PTPRN2: variants seen among roughly 807,000 people sequenced by gnomAD.
PTPRN2 encodes the protein protein tyrosine phosphatase receptor type N2, also known as receptor-type tyrosine-protein phosphatase N2.
Under a neutral mutation model 118.8 loss-of-function variants are expected in PTPRN2, and 74 were observed. The observed-to-expected ratio is 0.62, with a 90% CI of 0.52 to 0.76. The LOEUF is 0.76. Among genes scored for constraint, PTPRN2 ranks in the 30% least tolerant of loss-of-function variants. The probability of loss-of-function intolerance (pLI) is 0.00; values close to 1 mark genes in which losing one functional copy is unlikely to be tolerated. For synonymous variants in PTPRN2, 641 were observed against 608.0 expected, an observed-to-expected ratio of 1.05 and a Z score of -0.80; for missense variants, 1,481 against 1,394.4, an observed-to-expected ratio of 1.06 and a Z score of -0.99.
At chr7:157,691,012 C>T (rs1442551788) in intron 12 of PTPRN2, among the ~76,000 whole-genome samples, 1 of 147,936 alleles carries the variant, frequency 6.8e-6, no homozygotes, top group Non-Finnish European at 1.5e-5. Context: ...GCCCGGCGCG[C>T]ACCCGGCCGG....
chr7:158,523,207 G>A (rs1018451785), intron 1 of PTPRN2, among the ~76,000 whole-genome samples: 1 of 152,186 alleles, frequency 6.6e-6, no homozygotes, highest in Non-Finnish European at 1.5e-5. Flanking sequence ...TTGGGGTCTG[G>A]GGAGCCCCAG....
intron 11 of PTPRN2, among the ~76,000 whole-genome samples, chr7:157,899,787 T>C (rs1482312309): frequency 1.3e-5 from 2 of 152,198 alleles, no homozygotes; most frequent in Non-Finnish European, 2.9e-5. Flanking sequence ...ATTTTCTACA[T>C]ATAACTAATT....
At chr7:158,150,022 T>G (rs1371007196) in intron 6 of PTPRN2, among the ~76,000 whole-genome samples, 1 of 152,168 alleles carries the variant, frequency 6.6e-6, no homozygotes, top group Non-Finnish European at 1.5e-5. Flanking sequence ...CAGATTTAGG[T>G]GGCGTAGTGT....
rs1170748221 is a variant in PTPRN2 at position 157,780,918 on chromosome 7, C to T, written c.1789-97981G>A. Among the ~76,000 whole-genome samples the T allele has an allele frequency of 6.6e-6, 1 of 152,196 alleles. No homozygotes were observed. On this transcript the variant is annotated intron_variant, in intron 12 of 22. Coordinates refer to ENST00000389418, the MANE Select transcript of PTPRN2 (RefSeq NM_002847.5). The surrounding 1 kb of genome is among the most constrained non-coding windows in gnomAD (Gnocchi z 4.5). ...TCTCCTCAGTGCACACCTGAACTCTCACCACCCCCACCGAGGCAGTGGGCA... is the reference window on the plus strand; with the variant it reads ...TCTCCTCAGTGCACACCTGAACTCTTACCACCCCCACCGAGGCAGTGGGCA...
At chr7:157,652,734 T>TG (rs902707089) in intron 14 of PTPRN2, among the ~76,000 whole-genome samples, 21 of 152,328 alleles carry the variant, frequency 1.4e-4, no homozygotes, top group African/African-American at 4.8e-4. Flanking sequence ...CACAGCCCCA[T>TG]GGATCCCCCC....
chr7:158,554,693 G>A (rs2129450417), intron 1 of PTPRN2, among the ~76,000 whole-genome samples: 1 of 152,322 alleles, frequency 6.6e-6, no homozygotes, highest in African/African-American at 2.4e-5. Flanking sequence ...TGGAGGGGGA[G>A]TGGGATGTGG....
chr7:158,084,780 C>T (rs1029326592), intron 10 of PTPRN2, among the ~76,000 whole-genome samples: 1 of 148,902 alleles, frequency 6.7e-6, no homozygotes, highest in South Asian at 2.2e-4. Context: ...CACTCATCCA[C>T]ACCCACGATG....
At chr7:158,459,307 T>C (rs62480028) in intron 2 of PTPRN2, among the ~76,000 whole-genome samples, 56,213 of 94,138 alleles carry the variant, frequency 0.6, 13,658 homozygotes, top group Middle Eastern at 0.61. Context: ...CTGGGATGAA[T>C]GGGCTCCAGA....
chr7:157,823,543 G>A (rs898124667), intron 12 of PTPRN2, among the ~76,000 whole-genome samples: 3 of 152,220 alleles, frequency 2.0e-5, no homozygotes, highest in African/African-American at 4.8e-5. Context: ...CCAGAATGGA[G>A]AGACTAGAAT....
At chr7:158,124,113 C>T (rs560166723) in intron 9 of PTPRN2, among the ~76,000 whole-genome samples, 1 of 152,346 alleles carries the variant, frequency 6.6e-6, no homozygotes, top group East Asian at 1.9e-4. Context: ...TTCCGACCCA[C>T]CAAGCCAGAA....
chr7:157,931,132 G>A (rs561786007), intron 11 of PTPRN2, among the ~76,000 whole-genome samples: 1 of 152,294 alleles, frequency 6.6e-6, no homozygotes, highest in East Asian at 1.9e-4. Flanking sequence ...GCGGTGCCTG[G>A]CATTGTGCAG....
rs78738952 is a variant in PTPRN2 at position 157,698,735 on chromosome 7, A to G, written c.1789-15798T>C. The stretch of plus-strand genomic sequence containing the variant: ...GTCTAGATTCTAGTATAGAGGATCT[A>G]TTACTTTTAATCAACGTATTTGTAA... On this transcript the variant is annotated intron_variant, in intron 12 of 22. Transcript: ENST00000389418. 5.1e-3 allele frequency among the ~76,000 whole-genome samples: 778 copies of G among 152,360 alleles called. 15 individuals carry two copies. The highest frequency in any genetic ancestry group is 0.044 in the East Asian group (228 of 5,188).
rs1805324517 is a variant in PTPRN2, at chr7:157,801,804, G to A, written c.1788+96869C>T. 3.9e-5 allele frequency among the ~76,000 whole-genome samples: 6 copies of A among 152,176 alleles called. No homozygotes were observed. The highest frequency in any genetic ancestry group is 3.9e-4 in the Admixed American group (6 of 15,282). On this transcript the variant is annotated intron_variant, in intron 12 of 22. Transcript: ENST00000389418. The surrounding 1 kb of genome is among the most constrained non-coding windows in gnomAD (Gnocchi z 4.2). ...AGAACAGAACGGCCGCACAGAAAGT[G>A]CTTGGTCCTTGGCTTCCTGTGTCTC...
In PTPRN2 at chr7:158,428,385, G is replaced by A. The variant is rs113218678; in HGVS notation, c.163+61350C>T. On this transcript the variant is annotated intron_variant, in intron 2 of 22. Transcript: ENST00000389418. The stretch of plus-strand genomic sequence containing the variant: ...CGGGGGAACCCTTAGGGAAGTCACC[G>A]GGTTGTCCTTTTAAACGATGTGTGC... 1.6e-3 allele frequency among the ~76,000 whole-genome samples: 244 copies of A among 152,220 alleles called. 1 individual carries two copies. Among genetic ancestry groups the A allele is most frequent in the African/African-American group, 5.2e-3 (218 of 41,544 alleles).
At chr7:158,184,818 GA>G (rs201720014) in intron 5 of PTPRN2, among the ~76,000 whole-genome samples, 12 of 147,054 alleles carry the variant, frequency 8.2e-5, no homozygotes, top group African/African-American at 1.5e-4. Context: ...CGTCTCAAAA[GA>G]AAAAAAAAAG....
intron 1 of PTPRN2, among the ~76,000 whole-genome samples, chr7:158,578,741 T>C (rs1440202254): frequency 6.6e-6 from 1 of 151,614 alleles, no homozygotes; most frequent in Non-Finnish European, 1.5e-5. Context: ...TTCCCTTAAG[T>C]CCTACTTCTT....
At chr7:157,937,281 A>C (rs546410460) in intron 11 of PTPRN2, among the ~76,000 whole-genome samples, 1 of 152,328 alleles carries the variant, frequency 6.6e-6, no homozygotes, top group East Asian at 1.9e-4. Context: ...CCACCTAGAA[A>C]AACAGCTTTT....
chr7:157,825,351 G>A (rs75264563), intron 12 of PTPRN2, among the ~76,000 whole-genome samples: 3,474 of 152,246 alleles, frequency 0.023, 152 homozygotes, highest in African/African-American at 0.079. Context: ...GGGCTGGAGC[G>A]GCAGGAGTAG....
chr7:158,306,997 AC>A (rs1404191541), intron 3 of PTPRN2, among the ~76,000 whole-genome samples: 3 of 151,260 alleles, frequency 2.0e-5, no homozygotes, highest in Admixed American at 2.0e-4. Context: ...CTCCCAAGTA[AC>A]TGGGATTACA....
Sources: gnomAD v4.1 joint callset for allele counts (sites outside exome capture counted in the v4.1 genomes callset) on GRCh38, gnomAD v4.1.1 for gene constraint, Gnocchi (gnomAD v3.1) non-coding constraint, MANE v1.5 for transcripts, NCBI Gene and HGNC (gene_info 2026-07-23, HGNC 2026-07-21) for gene names.